XRCC4: variants seen among roughly 807,000 people sequenced by gnomAD.
The protein encoded by XRCC4 is DNA repair protein XRCC4.
Under a neutral mutation model 39.1 loss-of-function variants are expected in XRCC4, and 28 were observed. The observed-to-expected ratio is 0.72, with a 90% CI of 0.53 to 0.98. XRCC4 has a LOEUF of 0.98. XRCC4 is among the 50% of genes least tolerant of loss of function. XRCC4 has a pLI of 0.00. For synonymous variants in XRCC4, 123 were observed against 126.4 expected, an observed-to-expected ratio of 0.97 and a Z score of 0.18; for missense variants, 350 against 376.4, an observed-to-expected ratio of 0.93 and a Z score of 0.58.
intron 6 of XRCC4, among the ~76,000 whole-genome samples, chr5:83,236,575 A>C (rs1397741541): frequency 1.3e-5 from 2 of 152,182 alleles, no homozygotes; most frequent in Non-Finnish European, 2.9e-5. Context: ...AAATGGATTA[A>C]AGACTTAAAT....
intron 7 of XRCC4, among the ~76,000 whole-genome samples, chr5:83,301,367 A>G (rs1368555995): frequency 6.6e-6 from 1 of 152,134 alleles, no homozygotes; most frequent in Non-Finnish European, 1.5e-5. Context: ...TTGGCCATAT[A>G]AATGTCTTCT....
At chr5:83,258,725 A>C in intron 7 of XRCC4, 48 bp downstream of exon 7, 1 of 1,572,864 alleles carries the variant, frequency 6.4e-7, no homozygotes, top group Non-Finnish European at 8.6e-7. Context: ...ATTTTTGAAA[A>C]TCTAGCATAT....
Position 83,094,338 on chromosome 5 carries a change from CTCCGCTCCCCTCTCTTCCCCTCCTT to C in XRCC4, c.-10-10568_-10-10544del, listed in dbSNP as rs1289173264. ...CTCCCCTCCCCTCTCCTCCCCTTCC[CTCCGCTCCCCTCTCTTCCCCTCCTT>C]TCCCCTCCCCTCTCTTCCCCTCCTC... is the stretch of plus-strand genomic sequence containing the variant. On this transcript the variant is annotated intron_variant, in intron 1 of 7. Transcript: ENST00000396027. Among the ~76,000 whole-genome samples, 953 of 128,360 alleles carry C rather than the reference CTCCGCTCCCCTCTCTTCCCCTCCTT, an allele frequency of 7.4e-3. 11 individuals carry two copies. Among genetic ancestry groups the C allele is most frequent in the African/African-American group, 0.026 (895 of 33,966 alleles). 84.2% of individuals were successfully genotyped at this position (128,360 alleles called of 152,430 possible). A position where few individuals can be genotyped will look rare whatever the true frequency, so the allele number is the denominator to read the frequency against.
intron 6 of XRCC4, among the ~76,000 whole-genome samples, chr5:83,245,700 A>G (rs991545200): frequency 5.9e-5 from 9 of 152,114 alleles, no homozygotes; most frequent in African/African-American, 2.2e-4. Context: ...GCAACTATGT[A>G]TAGTGTAAAT....
At chr5:83,367,165 G>C in the XRCC4 span, among the ~76,000 whole-genome samples, 2 of 151,680 alleles carry the variant, frequency 1.3e-5, no homozygotes, top group East Asian at 3.9e-4. Flanking sequence ...GATTACAAGA[G>C]CAATAAGTCA....
intron 7 of XRCC4, among the ~76,000 whole-genome samples, chr5:83,306,454 C>A (rs1755490888): frequency 6.6e-6 from 1 of 151,026 alleles, no homozygotes; most frequent in Non-Finnish European, 1.5e-5. Flanking sequence ...TAAAATAGGG[C>A]AAAACAATAG....
chr5:83,082,833 G>GACACCTCTGCTCT (rs1020697312), intron 1 of XRCC4, among the ~76,000 whole-genome samples: 3 of 151,970 alleles, frequency 2.0e-5, no homozygotes, highest in African/African-American at 7.3e-5. Flanking sequence ...CAAAAGATTG[G>GACACCTCTGCTCT]ACACCTCTGC....
At chr5:83,212,960 A>C (rs1466514860) in intron 6 of XRCC4, among the ~76,000 whole-genome samples, 1 of 151,702 alleles carries the variant, frequency 6.6e-6, no homozygotes, top group East Asian at 1.9e-4. Flanking sequence ...TAAAAAAAAA[A>C]AACAAAAAGA....
intron 3 of XRCC4, among the ~76,000 whole-genome samples, chr5:83,145,444 A>C (rs1382370): frequency 0.48 from 73,614 of 151,966 alleles, 18,789 homozygotes; most frequent in African/African-American, 0.63. Flanking sequence ...CTGTTTTCTG[A>C]GTCAGTTAAC....
At chr5:83,363,882 C>T in the XRCC4 span, among the ~76,000 whole-genome samples, 1 of 152,206 alleles carries the variant, frequency 6.6e-6, no homozygotes, top group Non-Finnish European at 1.5e-5. Flanking sequence ...TCACTGTCGT[C>T]ATTAATTCGC....
intron 3 of XRCC4, among the ~76,000 whole-genome samples, chr5:83,120,634 A>G (rs892771450): frequency 3.3e-5 from 5 of 152,108 alleles, no homozygotes; most frequent in Admixed American, 2.0e-4. Flanking sequence ...CATTCCTTCC[A>G]TTGCTGAGTA....
intron 3 of XRCC4, among the ~76,000 whole-genome samples, chr5:83,121,262 T>C (rs1746996340): frequency 6.6e-6 from 1 of 152,178 alleles, no homozygotes; most frequent in African/African-American, 2.4e-5. Context: ...ATTTAAATCT[T>C]TGTATGGACA....
At chr5:83,101,083 G>A (rs1225798943) in intron 1 of XRCC4, among the ~76,000 whole-genome samples, 1 of 151,788 alleles carries the variant, frequency 6.6e-6, no homozygotes, top group African/African-American at 2.4e-5. Flanking sequence ...GGGGCTATAA[G>A]GATTACTTTA....
chr5:83,295,315 A>G (rs1349625209), intron 7 of XRCC4, among the ~76,000 whole-genome samples: 1 of 152,054 alleles, frequency 6.6e-6, no homozygotes, highest in Non-Finnish European at 1.5e-5. Context: ...AATGATATGC[A>G]TATAGAATAA....
chr5:83,351,890 C>T (rs914678749), intron 7 of XRCC4, among the ~76,000 whole-genome samples: 1 of 152,156 alleles, frequency 6.6e-6, no homozygotes, highest in East Asian at 1.9e-4. Context: ...CCTAAACACA[C>T]TTGATATTTG....
At chr5:83,302,342 C>T (rs1247613267) in intron 7 of XRCC4, among the ~76,000 whole-genome samples, 1 of 152,100 alleles carries the variant, frequency 6.6e-6, no homozygotes, top group African/African-American at 2.4e-5. Flanking sequence ...GGTGTAGGCA[C>T]CCGAGGGAAT....
At chr5:83,368,242 T>G in the XRCC4 span, among the ~76,000 whole-genome samples, 6 of 152,160 alleles carry the variant, frequency 3.9e-5, no homozygotes, top group South Asian at 4.1e-4. Context: ...GAAAGCGTCT[T>G]TCTCTCCCTG....
At chr5:83,228,024 A>T (rs1752356110) in intron 6 of XRCC4, among the ~76,000 whole-genome samples, 1 of 152,032 alleles carries the variant, frequency 6.6e-6, no homozygotes, top group Non-Finnish European at 1.5e-5. Context: ...CTCTGGCTAG[A>T]CTTGGAAAAA....
chr5:83,263,533 C>T (rs1373662105), intron 7 of XRCC4, among the ~76,000 whole-genome samples: 2 of 151,098 alleles, frequency 1.3e-5, no homozygotes, highest in East Asian at 1.9e-4. Flanking sequence ...GAATGATTGC[C>T]ATTCTAACTG....
Sources: allele counts gnomAD v4.1 joint callset (sites outside exome capture counted in the v4.1 genomes callset), GRCh38; gene constraint gnomAD v4.1.1; transcripts MANE v1.5; gene names NCBI Gene and HGNC (gene_info 2026-07-23, HGNC 2026-07-21).